Variants in RTTN observed in about 807,000 individuals in gnomAD.
RTTN encodes the protein rotatin.
A neutral mutation model predicts 269.2 loss-of-function variants in RTTN; 182 were observed. The observed-to-expected ratio is 0.68, with a 90% CI of 0.60 to 0.76. RTTN has a LOEUF of 0.76. Ranked by LOEUF, RTTN falls within the 30% of genes least tolerant of loss-of-function variation. The pLI is 0.00. For missense variants in RTTN, 2,545 were observed against 2,608.6 expected (o/e 0.98, Z 0.53); for synonymous variants, 1,006 against 963.5 (o/e 1.04, Z -0.82).
At chr18:70,058,073 A>G (rs562742477) in intron 36 of RTTN, among the ~76,000 whole-genome samples, 5 of 152,358 alleles carry the variant, frequency 3.3e-5, no homozygotes, top group Admixed American at 1.3e-4. Flanking sequence ...TGTGAAGAAA[A>G]TATCTAAGGA....
chr18:70,006,413 C>A lies in RTTN; in HGVS notation c.6493G>T (p.Ala2165Ser). The A allele has an allele frequency of 6.2e-7, 1 of 1,613,838 alleles. No individual in the cohort carries two copies. The highest frequency in any genetic ancestry group is 8.5e-7 in the Non-Finnish European group (1 of 1,179,698). ...NQNAQRIGAAALWALIYNYQK... is the reference protein window; with the variant it reads ...NQNAQRIGAASLWALIYNYQK... ...TAATTGTAAATCAGAGCCCAAAGGG[C>A]AGCTGCTCCAATCCTCTGAGCATTT... Residue 2165 changes from alanine to serine, a missense_variant, in exon 47 of 49, where the codon GCC (alanine) becomes TCC (serine). By Grantham distance (99) the Ala-to-Ser change is moderately conservative (BLOSUM62 1). Coordinates refer to ENST00000640769, the MANE Select transcript of RTTN (RefSeq NM_173630.4).
rs544574474 is a variant in RTTN at position 70,071,547 on chromosome 18, T to A, written c.4653+2359A>T. Among the ~76,000 whole-genome samples, 27 of 152,214 alleles carry A rather than the reference T, an allele frequency of 1.8e-4. No homozygotes were observed. The East Asian group carries it at 5.0e-3, about 28-fold the overall frequency. On this transcript the variant is annotated intron_variant, in intron 34 of 48. Coordinates refer to ENST00000640769, the MANE Select transcript of RTTN (RefSeq NM_173630.4). ...TTTCGAGAAGAAAAACACCACCTAA[T>A]GGCTGCATCCTCCTACCCCAGAGGA... is the stretch of plus-strand genomic sequence containing the variant.
intron 12 of RTTN, 93 bp from the exon 13 acceptor site, chr18:70,167,124 T>C (rs2061008299): frequency 3.9e-6 from 3 of 777,150 alleles, no homozygotes; most frequent in East Asian, 2.6e-5. Flanking sequence ...AATTAGACCA[T>C]TCAGAGACCA....
intron 15 of RTTN, 116 bp from the exon 16 acceptor site, chr18:70,150,203 T>C (rs1456277752): frequency 1.5e-6 from 1 of 678,174 alleles, no homozygotes; most frequent in East Asian, 2.6e-5. Flanking sequence ...CATCTCTTTC[T>C]TTCAAATGTT....
At chr18:70,125,212 T>C (rs1443285361) in intron 25 of RTTN, among the ~76,000 whole-genome samples, 2 of 152,048 alleles carry the variant, frequency 1.3e-5, no homozygotes, top group African/African-American at 4.8e-5. Context: ...CTTTTGTTAA[T>C]AGTGATAAAT....
rs751550625 is a variant in RTTN, at chr18:70,057,840, G to A, written c.4941-8C>T. On this transcript the variant is annotated splice_polypyrimidine_tract_variant and splice_region_variant and intron_variant, in intron 36 of 48. Transcript: ENST00000640769. ...AGGGTAGCATCTGCAATGCTGTGAC[G>A]ATCAGAAAAAGAAAATCCTTCAGAA... The A allele has an allele frequency of 2.9e-5, 46 of 1,602,188 alleles. No homozygotes were observed. Among genetic ancestry groups the A allele is most frequent in the Non-Finnish European group, 3.5e-5 (41 of 1,170,922 alleles).
At chr18:70,084,565 T>A (rs559775640) in intron 32 of RTTN, among the ~76,000 whole-genome samples, 108 of 150,776 alleles carry the variant, frequency 7.2e-4, no homozygotes, top group Non-Finnish European at 1.4e-3. Context: ...GGATGACAGA[T>A]ATACTGAGTT....
chr18:70,109,803 A>G, intron 27 of RTTN, 86 bp from the exon 28 acceptor site: 1 of 1,024,202 alleles, frequency 9.8e-7, no homozygotes, highest in South Asian at 1.4e-5. Flanking sequence ...AAGGTTACTT[A>G]AACTCATAGT....
At chr18:70,145,579 CCA>C (rs2060368145) in intron 18 of RTTN, 31 bp downstream of exon 18, 1 of 1,487,220 alleles carries the variant, frequency 6.7e-7, no homozygotes, top group South Asian at 1.3e-5. Flanking sequence ...TATCAAATTA[CCA>C]CACAGTAATA....
intron 27 of RTTN, 95 bp from the exon 28 acceptor site, chr18:70,109,812 G>C (rs2059416137): frequency 1.1e-6 from 1 of 930,814 alleles, no homozygotes; most frequent in African/African-American, 1.7e-5. Flanking sequence ...TAAACTCATA[G>C]TAATAGAAAA....
At chr18:70,022,191 C>T (rs556394570) in intron 44 of RTTN, among the ~76,000 whole-genome samples, 20 of 152,288 alleles carry the variant, frequency 1.3e-4, no homozygotes, top group African/African-American at 4.8e-4. Flanking sequence ...ACTTTCTCCT[C>T]TTCTCACATC....
chr18:70,036,487 A>C (rs1303757429), intron 40 of RTTN, among the ~76,000 whole-genome samples: 2 of 152,194 alleles, frequency 1.3e-5, no homozygotes, highest in Non-Finnish European at 2.9e-5. Context: ...AGTAGGAGCT[A>C]AATGATGAGA....
At chr18:70,156,013 C>T (rs1381524335) in intron 14 of RTTN, among the ~76,000 whole-genome samples, 2 of 152,076 alleles carry the variant, frequency 1.3e-5, no homozygotes, top group Admixed American at 6.5e-5. Context: ...GTGATGATTG[C>T]GTTAACTGCA....
chr18:70,128,693 A>T (rs1476755236), intron 23 of RTTN, 147 bp from the exon 24 acceptor site: 3 of 627,952 alleles, frequency 4.8e-6, no homozygotes, highest in Non-Finnish European at 8.4e-6. Flanking sequence ...AACAATTATC[A>T]TAATTTATAC....
intron 14 of RTTN, among the ~76,000 whole-genome samples, chr18:70,157,907 A>G (rs909636767): frequency 4.4e-5 from 2 of 45,428 alleles, no homozygotes; most frequent in African/African-American, 6.5e-5. Context: ...GAAATAAAGA[A>G]AAAAGAATTA....
intron 28 of RTTN, among the ~76,000 whole-genome samples, chr18:70,102,400 C>CT (rs559554613): frequency 1.3e-5 from 2 of 151,628 alleles, no homozygotes; most frequent in South Asian, 2.1e-4. Context: ...CAACCCCTGC[C>CT]TTTTTTTGTT....
At chr18:70,062,057 A>T (rs1020067225) in intron 35 of RTTN, among the ~76,000 whole-genome samples, 1 of 152,222 alleles carries the variant, frequency 6.6e-6, no homozygotes, top group Non-Finnish European at 1.5e-5. Context: ...ACTGCAAAAA[A>T]TAAAACTAGT....
intron 14 of RTTN, 52 bp downstream of exon 14, chr18:70,166,010 G>A: frequency 6.3e-7 from 1 of 1,581,612 alleles, no homozygotes; most frequent in Non-Finnish European, 8.7e-7. Context: ...TATAACAAGA[G>A]AGTCTACTAT....
In RTTN at chr18:70,005,262, T is replaced by C; in HGVS notation, c.6531A>G (p.Lys2177=). The change falls in exon 48 of 49, where the codon AAA becomes AAG. Residue 2177 remains lysine, a synonymous_variant. Coordinates refer to ENST00000640769, the MANE Select transcript of RTTN (RefSeq NM_173630.4). ...WALIYNYQKA[K]TALKSPSVKR... ...TTACTGATGGGCTTTTCAAAGCTGTTTTTGCCTAGAACAATCCATTAATTA... is the reference window on the plus strand; with the variant it reads ...TTACTGATGGGCTTTTCAAAGCTGTCTTTGCCTAGAACAATCCATTAATTA... The C allele has an allele frequency of 3.1e-6, 5 of 1,612,354 alleles. No individual in the cohort carries two copies. The highest frequency in any genetic ancestry group is 4.2e-6 in the Non-Finnish European group (5 of 1,178,922).
Sources: allele counts gnomAD v4.1 joint callset (sites outside exome capture counted in the v4.1 genomes callset), GRCh38; gene constraint gnomAD v4.1.1; transcripts MANE v1.5; gene names NCBI Gene and HGNC (gene_info 2026-07-23, HGNC 2026-07-21).